Variants in MGA observed in about 807,000 individuals in gnomAD.
MGA encodes MAX gene-associated protein.
In MGA, 40 loss-of-function variants were observed where a neutral mutation model predicts 261.1. The observed-to-expected ratio is 0.15, with a 90% CI of 0.12 to 0.20. The LOEUF (loss-of-function observed/expected upper bound fraction) is 0.20, where lower values mean the gene tolerates loss of function less well. Ranked by LOEUF, MGA falls within the 10% of genes least tolerant of loss-of-function variation. The pLI, the probability that MGA is intolerant of heterozygous loss-of-function variation, is 1.00. For missense variants in MGA, 3,397 were observed against 3,630.5 expected (o/e 0.94, Z 1.65); for synonymous variants, 1,302 against 1,290.6 (o/e 1.01, Z -0.19).
At chr15:41,689,378 CCTT>C (rs1346597004) in intron 2 of MGA, among the ~76,000 whole-genome samples, 1 of 150,136 alleles carries the variant, frequency 6.7e-6, no homozygotes, top group Non-Finnish European at 1.5e-5. Flanking sequence ...CTCCCTTTCT[CCTT>C]CTCTCCTTTT....
chr15:41,726,351 G>A (rs1019776014), intron 9 of MGA, among the ~76,000 whole-genome samples: 1 of 152,196 alleles, frequency 6.6e-6, no homozygotes. Context: ...TAGCACAGGT[G>A]CTTAGAACAA....
intron 10 of MGA, 31 bp from the exon 11 acceptor site, chr15:41,729,133 T>C: frequency 6.2e-7 from 1 of 1,602,158 alleles, no homozygotes; most frequent in Non-Finnish European, 8.5e-7. Context: ...TTTCCCACTG[T>C]ATGGAATATT....
upstream of MGA, among the ~76,000 whole-genome samples, chr15:41,656,331 T>G (rs1399513156): frequency 2.7e-5 from 3 of 111,412 alleles, no homozygotes. Context: ...TTTCTCTCTC[T>G]CCCTCTCCTC....
chr15:41,742,712 T>C lies in MGA; in HGVS notation c.4752T>C (p.Ser1584=), dbSNP rs1259598782. 4 of 1,613,900 alleles carry C rather than the reference T, an allele frequency of 2.5e-6. No homozygotes were observed. Among genetic ancestry groups the C allele is most frequent in the Non-Finnish European group, 3.4e-6 (4 of 1,179,892 alleles). The change falls in exon 15 of 24, where the codon TCT becomes TCC. Residue 1584 remains serine (S), a synonymous_variant. Transcript: ENST00000219905. ...TGGTCGTCACACCTGTGGTTTCTTCTGAGCCAGTTCAGGTGTGCAGCCCTG... is the reference window on the plus strand; with the variant it reads ...TGGTCGTCACACCTGTGGTTTCTTCCGAGCCAGTTCAGGTGTGCAGCCCTG...
chr15:41,739,993 A>C, intron 13 of MGA: 1 of 1,613,706 alleles, frequency 6.2e-7, no homozygotes, highest in East Asian at 2.2e-5. Flanking sequence ...TGCTTATATC[A>C]CAGGCAGGTT....
intron 1 of MGA, among the ~76,000 whole-genome samples, chr15:41,663,260 T>A (rs1213019918): frequency 1.3e-5 from 2 of 152,154 alleles, no homozygotes; most frequent in Non-Finnish European, 2.9e-5. Context: ...AATTTTCCCC[T>A]CCACAACTTA....
chr15:41,733,199 C>T (rs994262627), intron 11 of MGA, among the ~76,000 whole-genome samples: 1 of 152,084 alleles, frequency 6.6e-6, no homozygotes, highest in Non-Finnish European at 1.5e-5. Flanking sequence ...CTCAGGTGAT[C>T]CACCCACCTC....
chr15:41,760,318 G>A lies in MGA; in HGVS notation c.7192-5G>A, dbSNP rs2151990128. On this transcript the variant is annotated splice_region_variant and splice_polypyrimidine_tract_variant and intron_variant, in intron 19 of 23. Transcript: ENST00000219905. ...GATGTTTAGGAGGCAATCTTGTTTG[G>A]ACAGGCTCCACCAATTCCTCTAAAA... 6.2e-7 allele frequency: 1 copy of A among 1,613,782 alleles called. No homozygotes were observed. Among genetic ancestry groups the A allele is most frequent in the Non-Finnish European group, 8.5e-7 (1 of 1,179,804 alleles).
In MGA at chr15:41,766,668, T is replaced by G. The variant is rs1361377587; in HGVS notation, c.8586T>G (p.Ala2862=). 6 of 1,613,872 alleles carry G rather than the reference T, an allele frequency of 3.7e-6. No individual in the cohort carries two copies. In the Admixed American group the frequency reaches 1.0e-4, roughly 27 times the overall value. ...AGTTCCCAGGGGATGCTCGGCGGGC[T>G]TTTATTAGTAAGGTTCCTCCTGGAA... Residue 2862 remains alanine, a synonymous_variant, in exon 24 of 24, where the codon GCT becomes GCG. Transcript: ENST00000219905.
At chr15:41,705,967 G>C (rs535222624) in intron 5 of MGA, among the ~76,000 whole-genome samples, 1 of 152,034 alleles carries the variant, frequency 6.6e-6, no homozygotes, top group East Asian at 1.9e-4. Context: ...GGCCAGGTGC[G>C]GTGGCTCAGG....
rs1211918613 is a variant in MGA, at chr15:41,736,269, G to A, written c.4005G>A (p.Leu1335=). ...GGTCACCTGGTGGTCCCACCAAACT[G>A]ATTGAGATCATCTCAGACTGCAACT... Residue 1335 remains leucine, a synonymous_variant, in exon 13 of 24, where the codon CTG becomes CTA. Transcript: ENST00000219905. 1 of 1,613,866 alleles carries A rather than the reference G, an allele frequency of 6.2e-7. No individual in the cohort carries two copies. The highest frequency in any genetic ancestry group is 8.5e-7 in the Non-Finnish European group (1 of 1,179,894).
At chr15:41,656,314 G>A (rs1029903106), upstream of MGA, among the ~76,000 whole-genome samples, 2 of 124,638 alleles carry the variant, frequency 1.6e-5, no homozygotes, top group African/African-American at 5.5e-5. Flanking sequence ...AGGAGGAATG[G>A]TGTTTCTTTC....
chr15:41,665,461 A>C (rs1320493746), intron 1 of MGA, among the ~76,000 whole-genome samples: 1 of 151,546 alleles, frequency 6.6e-6, no homozygotes, highest in Admixed American at 6.6e-5. Context: ...ATCACAGCTC[A>C]CTGCAGCCTT....
At chr15:41,678,520 C>G (rs1196579222) in intron 2 of MGA, among the ~76,000 whole-genome samples, 2 of 151,194 alleles carry the variant, frequency 1.3e-5, no homozygotes, top group African/African-American at 4.9e-5. Context: ...AATCCCAGCA[C>G]TTTGGGAGGC....
intron 9 of MGA, chr15:41,718,309 A>G (rs1344354998): frequency 1.9e-4 from 45 of 232,942 alleles, no homozygotes; most frequent in Middle Eastern, 1.6e-3. Context: ...GTGTATATAT[A>G]TATATATATA....
chr15:41,696,304 A>G lies in MGA; in HGVS notation c.1294A>G (p.Lys432Glu). 6.2e-7 allele frequency: 1 copy of G among 1,613,954 alleles called. No individual in the cohort carries two copies. The highest frequency in any genetic ancestry group is 1.1e-5 in the South Asian group (1 of 91,084). The change falls in exon 3 of 24, where the codon AAA (lysine) becomes GAA (glutamate). Residue 432 changes from lysine (K) to glutamate (E), a missense_variant. Coordinates refer to ENST00000219905, the MANE Select transcript of MGA (RefSeq NM_001164273.2). ...AGAGAAACAGCTAAAGAGGCACAATAAAGTTGACAACCCAGAAGCTGACCA... is the reference window on the plus strand; with the variant it reads ...AGAGAAACAGCTAAAGAGGCACAATGAAGTTGACAACCCAGAAGCTGACCA...
chr15:41,667,869 T>C (rs900282410), intron 1 of MGA, among the ~76,000 whole-genome samples: 4 of 152,180 alleles, frequency 2.6e-5, no homozygotes, highest in African/African-American at 9.7e-5. Context: ...AGTGGCGTGA[T>C]CTTGGCTCAG....
chr15:41,626,942 G>A (rs2056470219), intron 1 of MGA, among the ~76,000 whole-genome samples: 1 of 152,076 alleles, frequency 6.6e-6, no homozygotes, highest in Admixed American at 6.6e-5. Context: ...TCTGCTTACT[G>A]CAGCCTCTGC....
In MGA at chr15:41,754,493, A is replaced by G. The variant is rs1211998181; in HGVS notation, c.7065A>G (p.Val2355=). 1 of 1,570,556 alleles carries G rather than the reference A, an allele frequency of 6.4e-7. No individual in the cohort carries two copies. The highest frequency in any genetic ancestry group is 8.7e-7 in the Non-Finnish European group (1 of 1,156,000). Residue 2355 remains valine, a synonymous_variant, in exon 18 of 24, where the codon GTA becomes GTG. Transcript: ENST00000219905. ...AGGAGCACGTGGACATTGAGACTGT[A>G]GAAGAGCTCTCAGAGGAAATTAATG...
Sources: allele counts gnomAD v4.1 joint callset (sites outside exome capture counted in the v4.1 genomes callset), GRCh38; gene constraint gnomAD v4.1.1; transcripts MANE v1.5; gene names NCBI Gene and HGNC (gene_info 2026-07-23, HGNC 2026-07-21).